The following FN1 variants were observed in gnomAD, a reference collection of about 807,000 sequenced individuals.
FN1 encodes fibronectin 1, also known as fibronectin.
In FN1, 106 loss-of-function variants were observed where a neutral mutation model predicts 297.3. The ratio of observed to expected loss-of-function variants is 0.36; its 90% CI spans 0.30 to 0.42. The LOEUF (loss-of-function observed/expected upper bound fraction) is 0.42, where lower values mean the gene tolerates loss of function less well. Among genes scored for constraint, FN1 ranks in the 10% least tolerant of loss-of-function variants. The pLI is 1.00. For synonymous variants in FN1, 1,149 were observed against 1,152.6 expected (o/e 1.00, Z 0.06); for missense variants, 2,690 against 3,124.9 (o/e 0.86, Z 3.32).
intron 23 of FN1, 24 bp from the exon 24 acceptor site, chr2:215,394,743 T>A (rs367650659): frequency 1.9e-6 from 3 of 1,578,680 alleles, no homozygotes; most frequent in Non-Finnish European, 2.6e-6. Context: ...AAAAGGGAAG[T>A]TATTGCACAG....
chr2:215,423,285 T>C, intron 9 of FN1, 65 bp downstream of exon 9: 3 of 1,528,360 alleles, frequency 2.0e-6, no homozygotes, highest in Middle Eastern at 2.3e-4. Flanking sequence ...AACTGGACAC[T>C]AGTCTTTAGT....
chr2:215,387,512 T>G (rs889173629), intron 27 of FN1, among the ~76,000 whole-genome samples: 1 of 152,210 alleles, frequency 6.6e-6, no homozygotes, highest in African/African-American at 2.4e-5. Context: ...ATGCTGATAA[T>G]TCCTCGTGAA....
chr2:215,429,594 C>T (rs367562817), intron 5 of FN1, among the ~76,000 whole-genome samples: 158 of 152,266 alleles, frequency 1.0e-3, no homozygotes, highest in African/African-American at 3.2e-3. Context: ...AAATCCCCAG[C>T]GAAAAGTATT....
intron 5 of FN1, among the ~76,000 whole-genome samples, chr2:215,429,683 T>C (rs2066131189): frequency 6.6e-6 from 1 of 152,226 alleles, no homozygotes; most frequent in Non-Finnish European, 1.5e-5. Context: ...AGATGATAAA[T>C]ATGTATAAGA....
At position 215,435,729 on chromosome 2, in the gene FN1, C is replaced by T. The variant is rs778918483; in HGVS notation, c.74G>A (p.Gly25Glu). Residue 25 changes from glycine (G) to glutamate (E), a missense_variant, in exon 1 of 46, where the codon GGA becomes GAA. Physicochemically the swap from Gly to Glu is moderately conservative, Grantham distance 98. Transcript: ENST00000354785. ...QCLGTAVPST[G>E]ASKSKRQAQQ... ...AGCCTGCCTCTTGCTCTTCGAGGCT[C>T]CCGTGGAGGGCACCGCTGTCCCCAG... 5.6e-6 allele frequency: 9 copies of T among 1,609,198 alleles called. No homozygotes were observed. In the East Asian group the frequency reaches 1.8e-4, roughly 32 times the overall value.
intron 20 of FN1, among the ~76,000 whole-genome samples, chr2:215,401,941 G>T (rs1559479561): frequency 6.6e-6 from 1 of 151,832 alleles, no homozygotes; most frequent in Non-Finnish European, 1.5e-5. Context: ...GGTGTTTGGT[G>T]GGGGGTGGGG....
intron 20 of FN1, among the ~76,000 whole-genome samples, chr2:215,402,615 G>C (rs2106221685): frequency 6.6e-6 from 1 of 152,266 alleles, no homozygotes; most frequent in East Asian, 1.9e-4. Context: ...TTCAAATGGA[G>C]TTGTAGAATA....
At position 215,371,151 on chromosome 2, in the gene FN1, C is replaced by T. The variant is rs563972024; in HGVS notation, c.6715-719G>A. ...GGTGCGGTGGCACATGCCTGTAATC[C>T]CAGCTATTTGGGAGGCTGAGGCAGG... On this transcript the variant is annotated intron_variant, in intron 40 of 45. Coordinates refer to ENST00000354785, the MANE Select transcript of FN1 (RefSeq NM_212482.4). Among the ~76,000 whole-genome samples, 3 of 152,100 alleles carry T rather than the reference C, an allele frequency of 2.0e-5. No homozygotes were observed. In the East Asian group the frequency reaches 5.8e-4, roughly 29 times the overall value.
chr2:215,396,588 T>C (rs1045172753), intron 23 of FN1, among the ~76,000 whole-genome samples: 1 of 152,168 alleles, frequency 6.6e-6, no homozygotes, highest in African/African-American at 2.4e-5. Context: ...GTCTACAAAC[T>C]TAAGTTACAA....
chr2:215,404,521 G>A lies in FN1; in HGVS notation c.3121C>T (p.Gln1041Ter). 2 of 1,614,082 alleles carry A rather than the reference G, an allele frequency of 1.2e-6. No homozygotes were observed. The highest frequency in any genetic ancestry group is 1.7e-6 in the Non-Finnish European group (2 of 1,180,018). The stretch of plus-strand genomic sequence containing the variant: ...GAGACAGAGGGACCCACATTGTACT[G>A]CCTGGGCTGTCCTCTTCGGGTAAGG... ...VGLTRRGQPR[Q>*]YNVGPSVSKY... The change falls in exon 20 of 46, where the codon CAG (glutamine) becomes TAG (stop). Residue 1041 changes from glutamine (Q) to a stop codon, truncating the protein, a stop_gained. Coordinates refer to ENST00000354785, the MANE Select transcript of FN1 (RefSeq NM_212482.4). LOFTEE classifies it high-confidence loss of function.
intron 5 of FN1, among the ~76,000 whole-genome samples, chr2:215,429,925 T>C (rs1441740192): frequency 2.0e-5 from 3 of 152,204 alleles, no homozygotes; most frequent in Non-Finnish European, 4.4e-5. Flanking sequence ...GCCACAAAGA[T>C]CTTGGAAGTC....
chr2:215,403,078 C>T (rs1230821986), intron 20 of FN1, among the ~76,000 whole-genome samples: 1 of 152,074 alleles, frequency 6.6e-6, no homozygotes, highest in Non-Finnish European at 1.5e-5. Flanking sequence ...CATTCTAATT[C>T]ACTGAAGGAC....
chr2:215,423,137 T>C (rs574248467), intron 9 of FN1, among the ~76,000 whole-genome samples: 3 of 151,266 alleles, frequency 2.0e-5, no homozygotes, highest in Admixed American at 2.0e-4. Flanking sequence ...ATATAAATAA[T>C]TATCTAATTA....
intron 42 of FN1, 29 bp from the exon 43 acceptor site, chr2:215,365,659 A>C (rs1244336123): frequency 6.2e-7 from 1 of 1,612,952 alleles, no homozygotes; most frequent in African/African-American, 1.3e-5. Flanking sequence ...TCAGGACCAA[A>C]AAGTTATTTG....
In FN1 at chr2:215,393,034, G is replaced by C; in HGVS notation, c.3966C>G (p.Tyr1322Ter). ...CCGGCTCCAGCCCTGTGACTGTGTA[G>C]TATCCTACTGAGGAGTCCACAAAAT... Reference protein sequence around the residue: ...FEDFVDSSVGYYTVTGLEPGI... With the variant: ...FEDFVDSSVG Residue 1322 changes from tyrosine to a stop codon, truncating the protein, a stop_gained, in exon 25 of 46, where the codon TAC (tyrosine) becomes TAG (stop). Coordinates refer to ENST00000354785, the MANE Select transcript of FN1 (RefSeq NM_212482.4). LOFTEE classifies it high-confidence loss of function. 1 of 1,614,032 alleles carries C rather than the reference G, an allele frequency of 6.2e-7. No homozygotes were observed. Among genetic ancestry groups the C allele is most frequent in the East Asian group, 2.2e-5 (1 of 44,886 alleles).
chr2:215,418,732 T>G (rs2063776238), intron 12 of FN1, among the ~76,000 whole-genome samples: 1 of 152,192 alleles, frequency 6.6e-6, no homozygotes, highest in South Asian at 2.1e-4. Context: ...ACCAAGTTAC[T>G]CAACCCTTGG....
At position 215,399,254 on chromosome 2, in the gene FN1, T is replaced by C; in HGVS notation, c.3348+3A>G. ...ACAGAGATTAGGAACATCTGCAGTTTACCTTAAAACCAATTCTTGGAGCAG... is the reference window on the plus strand; with the variant it reads ...ACAGAGATTAGGAACATCTGCAGTTCACCTTAAAACCAATTCTTGGAGCAG... On this transcript the variant is annotated splice_donor_region_variant and intron_variant, in intron 21 of 45. Coordinates refer to ENST00000354785, the MANE Select transcript of FN1 (RefSeq NM_212482.4). 6.2e-7 allele frequency: 1 copy of C among 1,607,306 alleles called. No individual in the cohort carries two copies. Among genetic ancestry groups the C allele is most frequent in the East Asian group, 2.2e-5 (1 of 44,824 alleles).
At chr2:215,368,561 A>G (rs1036106179) in intron 41 of FN1, among the ~76,000 whole-genome samples, 6 of 152,350 alleles carry the variant, frequency 3.9e-5, no homozygotes, top group Middle Eastern at 3.4e-3. Flanking sequence ...CTAAATAAAG[A>G]ATAATTATTA....
At chr2:215,419,686 T>G (rs542768753) in intron 11 of FN1, among the ~76,000 whole-genome samples, 20 of 152,350 alleles carry the variant, frequency 1.3e-4, no homozygotes, top group African/African-American at 3.8e-4. Context: ...ATTTTAAATA[T>G]TAGTTATTAT....
Sources: gnomAD v4.1 joint callset for allele counts (sites outside exome capture counted in the v4.1 genomes callset) on GRCh38, gnomAD v4.1.1 for gene constraint, MANE v1.5 for transcripts, NCBI Gene and HGNC (gene_info 2026-07-23, HGNC 2026-07-21) for gene names.